The following FER variants were observed in gnomAD, a reference collection of about 807,000 sequenced individuals.
The protein encoded by FER is FER tyrosine kinase, also known as tyrosine-protein kinase Fer.
FER carries 63 observed loss-of-function variants against 111.0 expected under a neutral mutation model. The ratio of observed to expected loss-of-function variants is 0.57; its 90% CI spans 0.46 to 0.70. FER has a LOEUF of 0.70. FER is among the 30% of genes least tolerant of loss of function. The pLI is 0.00. For missense variants in FER, 914 were observed against 954.0 expected (o/e 0.96, Z 0.55); for synonymous variants, 327 against 313.9 (o/e 1.04, Z -0.44).
intron 16 of FER, among the ~76,000 whole-genome samples, chr5:109,062,455 G>A (rs541994794): frequency 1.2e-4 from 18 of 152,268 alleles, no homozygotes; most frequent in African/African-American, 4.1e-4. Context: ...GAACCTGGGA[G>A]GCAGAGGTTA....
chr5:108,862,268 C>T (rs1478639532), intron 5 of FER, among the ~76,000 whole-genome samples: 1 of 152,086 alleles, frequency 6.6e-6, no homozygotes, highest in African/African-American at 2.4e-5. Context: ...TTGTCATATA[C>T]TATATTTAAT....
chr5:109,192,662 T>C lies in FER; in HGVS notation c.*5087T>C, dbSNP rs1320140571. On this transcript the variant is annotated 3_prime_UTR_variant, in exon 20 of 20. Transcript: ENST00000281092. ...TCCACACGTTATTAGAAATCTTTGG[T>C]TACAGTGAGGCTTAACCTGGGCTAA... 2.0e-5 allele frequency: 3 copies of C among 152,150 alleles called. No homozygotes were observed. The highest frequency in any genetic ancestry group is 4.4e-5 in the Non-Finnish European group (3 of 68,018). 9.4% of individuals were successfully genotyped at this position (152,150 alleles called of 1,614,324 possible).
chr5:109,195,448 CAA>C lies in FER; in HGVS notation c.*7875_*7876del, dbSNP rs1267607036. 2.0e-5 allele frequency: 3 copies of C among 152,102 alleles called. No homozygotes were observed. Among genetic ancestry groups the C allele is most frequent in the East Asian group, 1.9e-4 (1 of 5,194 alleles). The allele number at this position is 152,102 out of a possible 1,614,324, so 9.4% of individuals were successfully genotyped here. A position where few individuals can be genotyped will look rare whatever the true frequency, so the allele number is the denominator to read the frequency against. ...AATTCACTATTTTTGGCTTTAGTGT[CAA>C]AGAGATTGGTTCTACAAGGTTCATC... On this transcript the variant is annotated 3_prime_UTR_variant, in exon 20 of 20. Coordinates refer to ENST00000281092, the MANE Select transcript of FER (RefSeq NM_005246.4).
intron 17 of FER, among the ~76,000 whole-genome samples, chr5:109,152,287 A>G (rs1250154479): frequency 6.6e-6 from 1 of 151,902 alleles, no homozygotes; most frequent in African/African-American, 2.4e-5. Flanking sequence ...TTAAATCCCA[A>G]ATCTTTGTTT....
rs185818293 is a variant in FER at position 109,082,719 on chromosome 5, T to C, written c.1925-17677T>C. Among the ~76,000 whole-genome samples, 223 of 152,108 alleles carry C rather than the reference T, an allele frequency of 1.5e-3. 1 individual carries two copies. The highest frequency in any genetic ancestry group is 1.4e-3 in the Non-Finnish European group (96 of 67,942). ...TGTAATCAGATACTACCAAAATAAT[T>C]CCATGTACTGTACTATTAGAATGTC... On this transcript the variant is annotated intron_variant, in intron 16 of 19. Transcript: ENST00000281092.
chr5:108,998,183 G>GAAA lies in FER; in HGVS notation c.1656+38856_1656+38858dup, dbSNP rs915109794. Among the ~76,000 whole-genome samples, 30 of 71,392 alleles carry GAAA rather than the reference G, an allele frequency of 4.2e-4. 2 individuals are homozygous for GAAA. The highest frequency in any genetic ancestry group is 5.1e-4 in the Non-Finnish European group (18 of 35,534). The allele number at this position is 71,392 out of a possible 152,430, so 46.8% of individuals were successfully genotyped here. A position where few individuals can be genotyped will look rare whatever the true frequency, so the allele number is the denominator to read the frequency against. On this transcript the variant is annotated intron_variant, in intron 13 of 19. Transcript: ENST00000281092. ...GGCGTTCCAGGCACCACCGGGGTATGAAAAAAAAAAAAAAAAAAAAAACTC... is the reference window on the plus strand; with the variant it reads ...GGCGTTCCAGGCACCACCGGGGTATGAAAAAAAAAAAAAAAAAAAAAAAAACTC...
chr5:109,095,661 T>C (rs1031692052), intron 16 of FER, among the ~76,000 whole-genome samples: 1 of 152,148 alleles, frequency 6.6e-6, no homozygotes, highest in African/African-American at 2.4e-5. Context: ...CGTTTATATT[T>C]GTCATATCGA....
intron 1 of FER, among the ~76,000 whole-genome samples, chr5:108,760,962 G>A (rs1001381980): frequency 4.0e-5 from 6 of 150,918 alleles, no homozygotes; most frequent in South Asian, 4.2e-4. Flanking sequence ...ATGGAGTCTC[G>A]CTCTGTTGCC....
chr5:108,982,734 A>G (rs968647641), intron 13 of FER, among the ~76,000 whole-genome samples: 7 of 152,096 alleles, frequency 4.6e-5, no homozygotes, highest in Non-Finnish European at 1.0e-4. Flanking sequence ...TTGAGTCAAG[A>G]AAGCTACTAT....
chr5:108,992,321 C>T (rs1763297235), intron 13 of FER, among the ~76,000 whole-genome samples: 1 of 152,226 alleles, frequency 6.6e-6, no homozygotes, highest in Non-Finnish European at 1.5e-5. Context: ...ATCTTTTCCC[C>T]ACCTTTACCC....
intron 13 of FER, among the ~76,000 whole-genome samples, chr5:109,000,750 C>A (rs1764659410): frequency 1.3e-5 from 2 of 152,090 alleles, no homozygotes; most frequent in Admixed American, 6.6e-5. Context: ...AATTGATAGA[C>A]CGCTAGCAAG....
At chr5:109,145,933 A>T (rs1754048949) in intron 17 of FER, among the ~76,000 whole-genome samples, 1 of 151,528 alleles carries the variant, frequency 6.6e-6, no homozygotes, top group Non-Finnish European at 1.5e-5. Context: ...ATTTAAAAAA[A>T]AAATCAATAA....
chr5:108,977,562 A>G (rs953981227), intron 13 of FER, among the ~76,000 whole-genome samples: 2 of 152,206 alleles, frequency 1.3e-5, no homozygotes, highest in African/African-American at 4.8e-5. Context: ...CTCAGCATTT[A>G]TAAGCATGAA....
chr5:109,168,656 A>G (rs960849290), intron 17 of FER, among the ~76,000 whole-genome samples: 1 of 152,206 alleles, frequency 6.6e-6, no homozygotes, highest in Non-Finnish European at 1.5e-5. Context: ...TGTATAAAAA[A>G]TATTTTGAAT....
intron 13 of FER, among the ~76,000 whole-genome samples, chr5:109,001,351 T>G (rs1017915164): frequency 6.6e-6 from 1 of 152,186 alleles, no homozygotes. Context: ...ATAAACGTAA[T>G]CCAGCGTATA....
intron 5 of FER, among the ~76,000 whole-genome samples, chr5:108,841,565 G>T (rs1226710107): frequency 1.3e-5 from 2 of 152,210 alleles, no homozygotes; most frequent in African/African-American, 4.8e-5. Flanking sequence ...TTGCCATGAT[G>T]TGCCTTAACA....
chr5:109,106,252 ATTTT>A (rs1748911211), intron 17 of FER, among the ~76,000 whole-genome samples: 1 of 152,244 alleles, frequency 6.6e-6, no homozygotes, highest in Admixed American at 6.5e-5. Context: ...GTGAAACATA[ATTTT>A]AGAAAGACAA....
intron 16 of FER, among the ~76,000 whole-genome samples, chr5:109,061,903 A>G (rs1057078939): frequency 1.3e-5 from 2 of 152,198 alleles, no homozygotes; most frequent in Non-Finnish European, 1.5e-5. Flanking sequence ...ATAAATCCAA[A>G]ATATGTTTTA....
chr5:108,880,058 G>C (rs1367562755), intron 8 of FER, among the ~76,000 whole-genome samples: 1 of 151,900 alleles, frequency 6.6e-6, no homozygotes, highest in African/African-American at 2.4e-5. Context: ...TTTCTTCTTT[G>C]ATGTCTGTCT....
Sources: gnomAD v4.1 joint callset for allele counts (sites outside exome capture counted in the v4.1 genomes callset) on GRCh38, gnomAD v4.1.1 for gene constraint, MANE v1.5 for transcripts, NCBI Gene and HGNC (gene_info 2026-07-23, HGNC 2026-07-21) for gene names.